M6PR: variants seen among roughly 807,000 people sequenced by gnomAD.
M6PR encodes the protein mannose-6-phosphate receptor, cation dependent.
In M6PR, 19 loss-of-function variants were observed where a neutral mutation model predicts 33.1. The ratio of observed to expected loss-of-function variants is 0.57; its 90% CI spans 0.40 to 0.84. The LOEUF (loss-of-function observed/expected upper bound fraction) is 0.84, where lower values mean the gene tolerates loss of function less well. Among genes scored for constraint, M6PR ranks in the 40% least tolerant of loss-of-function variants. The pLI is 0.00. For synonymous variants in M6PR, 111 were observed against 123.4 expected (o/e 0.90, Z 0.67); for missense variants, 295 against 336.0 (o/e 0.88, Z 0.95).
intron 2 of M6PR, 138 bp from the exon 3 acceptor site, chr12:8,945,722 T>A (rs930703136): frequency 1.4e-6 from 1 of 690,504 alleles, no homozygotes; most frequent in African/African-American, 1.8e-5. Context: ...TGAGTGAATA[T>A]TTGTTTAATT....
chr12:8,945,688 G>A (rs916691235), intron 2 of M6PR, 104 bp from the exon 3 acceptor site: 94 of 891,102 alleles, frequency 1.1e-4, no homozygotes, highest in Admixed American at 4.6e-4. Flanking sequence ...CAACATGCTC[G>A]ATTTATTTAT....
At chr12:8,943,705 A>C (rs1047708368) in intron 4 of M6PR, 96 bp downstream of exon 4, 53 of 1,326,714 alleles carry the variant, frequency 4.0e-5, no homozygotes, top group Non-Finnish European at 5.4e-5. Context: ...TCTAATGTCC[A>C]TCCCAACGTA....
chr12:8,945,507 GTGTGGT>G lies in M6PR; in HGVS notation c.248_253del (p.Asn83_His84del). On this transcript the variant is annotated inframe_deletion, in exon 3 of 7. Transcript: ENST00000000412. ...GATTTGCACCAGGCCTGCCCCAGAA[GTGTGGT>G]TGCCAGCTTCCCGGCACACCCTGAA... 1.9e-6 allele frequency: 3 copies of G among 1,614,122 alleles called. No individual in the cohort carries two copies. Among genetic ancestry groups the G allele is most frequent in the Non-Finnish European group, 2.5e-6 (3 of 1,180,032 alleles).
chr12:8,946,479 G>A lies in M6PR; in HGVS notation c.-1-74C>T, dbSNP rs991124308. 4.3e-6 allele frequency: 5 copies of A among 1,168,754 alleles called. No individual in the cohort carries two copies. In the African/African-American group the frequency reaches 7.6e-5, roughly 18 times the overall value. 72.4% of individuals were successfully genotyped at this position (1,168,754 alleles called of 1,614,324 possible). On this transcript the variant is annotated intron_variant, in intron 1 of 6. Transcript: ENST00000000412. ...GAGGAAAGAGATAAAGCGTATGAATGTGTAATAAATCGATGGTATTTTAAT... is the reference window on the plus strand; with the variant it reads ...GAGGAAAGAGATAAAGCGTATGAATATGTAATAAATCGATGGTATTTTAAT...
intron 6 of M6PR, 45 bp downstream of exon 6, chr12:8,942,371 C>A (rs1341179146): frequency 2.5e-6 from 4 of 1,613,940 alleles, no homozygotes; most frequent in Non-Finnish European, 3.4e-6. Flanking sequence ...GGTCACCCAA[C>A]CTTGTTTGCA....
chr12:8,943,386 TAAAG>T lies in M6PR; in HGVS notation c.584+15_584+18del. 1 of 1,614,014 alleles carries T rather than the reference TAAAG, an allele frequency of 6.2e-7. No individual in the cohort carries two copies. Among genetic ancestry groups the T allele is most frequent in the Non-Finnish European group, 8.5e-7 (1 of 1,179,908 alleles). On this transcript the variant is annotated intron_variant, in intron 5 of 6. Transcript: ENST00000000412. ...CAAAAGGAAGGAAGGTCTGTTCTGA[TAAAG>T]GAAGGCATACTCACGTGACAAGTAA...
At chr12:8,943,206 C>A in intron 5 of M6PR, 199 bp downstream of exon 5, 2 of 626,762 alleles carry the variant, frequency 3.2e-6, no homozygotes, top group Admixed American at 3.2e-5. Context: ...TCTGCCTTGG[C>A]TTCCCAAAGT....
At chr12:8,943,640 C>T (rs1420722790) in intron 4 of M6PR, 105 bp from the exon 5 acceptor site, 2 of 1,489,530 alleles carry the variant, frequency 1.3e-6, no homozygotes, top group East Asian at 2.3e-5. Context: ...GTTCAGCAGC[C>T]TATTTTCCAT....
chr12:8,942,792 C>T (rs74060245), intron 5 of M6PR, among the ~76,000 whole-genome samples: 1 of 152,190 alleles, frequency 6.6e-6, no homozygotes, highest in African/African-American at 2.4e-5. Context: ...GAATAATCAC[C>T]ATTAAGTATA....
chr12:8,948,962 A>C (rs1312835780), intron 1 of M6PR, among the ~76,000 whole-genome samples: 1 of 152,246 alleles, frequency 6.6e-6, no homozygotes, highest in African/African-American at 2.4e-5. Flanking sequence ...GCCTCAGACA[A>C]GTAGCGGCTA....
intron 2 of M6PR, among the ~76,000 whole-genome samples, 157 bp from the exon 3 acceptor site, chr12:8,945,741 T>C (rs1353123643): frequency 6.6e-6 from 1 of 152,214 alleles, no homozygotes; most frequent in African/African-American, 2.4e-5. Context: ...TTTTAAGATA[T>C]TCATAACCTT....
At position 8,943,507 on chromosome 12, in the gene M6PR, C is replaced by CGCTCCT; in HGVS notation, c.476_481dup (p.Glu160_Arg161insGlnGlu). Reference sequence around the variant, plus strand: ...GTAGAAACAATCTTGGACTTTGCCACGCTCCTCAGACACAGGGTTAAAATT... The same window carrying CGCTCCT: ...GTAGAAACAATCTTGGACTTTGCCACGCTCCTGCTCCTCAGACACAGGGTTAAAATT... On this transcript the variant is annotated inframe_insertion, in exon 5 of 7. Coordinates refer to ENST00000000412, the MANE Select transcript of M6PR (RefSeq NM_002355.4). 6.2e-7 allele frequency: 1 copy of CGCTCCT among 1,614,188 alleles called. No homozygotes were observed. Among genetic ancestry groups the CGCTCCT allele is most frequent in the Non-Finnish European group, 8.5e-7 (1 of 1,180,022 alleles).
chr12:8,942,603 A>G lies in M6PR; in HGVS notation c.585-61T>C. 12 of 1,552,874 alleles carry G rather than the reference A, an allele frequency of 7.7e-6. No homozygotes were observed. The South Asian group carries it at 1.2e-4, about 16-fold the overall frequency. On this transcript the variant is annotated intron_variant, in intron 5 of 6. Transcript: ENST00000000412. ...GGGAAATAGTAAAAACTCAGATAGG[A>G]TAACCTCTGCATTTATTGTCAGCTG...
chr12:8,943,938 A>G (rs769828008), intron 3 of M6PR, 28 bp from the exon 4 acceptor site: 57 of 1,487,424 alleles, frequency 3.8e-5, no homozygotes, highest in African/African-American at 6.9e-5. Flanking sequence ...AAATGGAGCT[A>G]TGGGGTGGGG....
At chr12:8,945,861 T>C (rs1340481602) in intron 2 of M6PR, among the ~76,000 whole-genome samples, 1 of 152,206 alleles carries the variant, frequency 6.6e-6, no homozygotes, top group Non-Finnish European at 1.5e-5. Flanking sequence ...CATGTTCCAA[T>C]GAATAAGGGC....
At chr12:8,943,291 A>T (rs763388021) in intron 5 of M6PR, 114 bp downstream of exon 5, 7 of 1,235,984 alleles carry the variant, frequency 5.7e-6, no homozygotes, top group Non-Finnish European at 6.8e-6. Context: ...AGTTATCCCC[A>T]TCAATTACAG....
intron 1 of M6PR, among the ~76,000 whole-genome samples, chr12:8,947,655 C>G (rs1946116265): frequency 6.6e-6 from 1 of 152,184 alleles, no homozygotes; most frequent in Non-Finnish European, 1.5e-5. Context: ...ATCCTCACAA[C>G]CTTATGAGTA....
In M6PR at chr12:8,941,812, T is replaced by A; in HGVS notation, c.*6A>T. On this transcript the variant is annotated 3_prime_UTR_variant, in exon 7 of 7. Coordinates refer to ENST00000000412, the MANE Select transcript of M6PR (RefSeq NM_002355.4). ...TGAGGAAGAGGCTGGACATATAAAG[T>A]GCAATCTACATTGGTAATAAATGGT... 6.2e-7 allele frequency: 1 copy of A among 1,614,096 alleles called. No homozygotes were observed. Among genetic ancestry groups the A allele is most frequent in the Non-Finnish European group, 8.5e-7 (1 of 1,180,006 alleles).
intron 1 of M6PR, among the ~76,000 whole-genome samples, chr12:8,948,111 C>A (rs1208625137): frequency 2.0e-5 from 3 of 152,108 alleles, no homozygotes; most frequent in Non-Finnish European, 4.4e-5. Flanking sequence ...AGGAATCTCA[C>A]AAAATTAGGA....
Sources: gnomAD v4.1 joint callset for allele counts (sites outside exome capture counted in the v4.1 genomes callset) on GRCh38, gnomAD v4.1.1 for gene constraint, MANE v1.5 for transcripts, NCBI Gene and HGNC (gene_info 2026-07-23, HGNC 2026-07-21) for gene names.